Variants in INPP4B observed in about 807,000 individuals in gnomAD.
INPP4B encodes inositol polyphosphate 4-phosphatase type II.
INPP4B carries 55 observed loss-of-function variants against 122.5 expected under a neutral mutation model. That is an observed-to-expected ratio of 0.45 (90% CI 0.36 to 0.56). The LOEUF (loss-of-function observed/expected upper bound fraction) is 0.56. INPP4B is among the 20% of genes least tolerant of loss of function. The probability of loss-of-function intolerance (pLI) is 0.00; values close to 1 mark genes in which losing one functional copy is unlikely to be tolerated. For missense variants in INPP4B, 1,000 were observed against 1,097.7 expected (o/e 0.91, Z 1.26); for synonymous variants, 403 against 388.7 (o/e 1.04, Z -0.43).
At chr4:142,274,876 G>A (rs568333956) in intron 9 of INPP4B, among the ~76,000 whole-genome samples, 55 of 151,844 alleles carry the variant, frequency 3.6e-4, no homozygotes, top group African/African-American at 1.3e-3. Flanking sequence ...GCAGTTCATG[G>A]CTGCTGCAGT....
chr4:142,472,782 A>G (rs1819112009), intron 2 of INPP4B, among the ~76,000 whole-genome samples: 1 of 152,096 alleles, frequency 6.6e-6, no homozygotes, highest in African/African-American at 2.4e-5. Flanking sequence ...TTGACCCCCC[A>G]TCAGAAGAAT....
chr4:142,052,121 CTA>C (rs1754945677), intron 25 of INPP4B, among the ~76,000 whole-genome samples: 1 of 151,966 alleles, frequency 6.6e-6, no homozygotes, highest in Admixed American at 6.6e-5. Context: ...CAAGAATAAA[CTA>C]TTTTTATCAG....
chr4:142,104,253 A>T (rs1483205636), intron 23 of INPP4B, among the ~76,000 whole-genome samples: 1 of 152,168 alleles, frequency 6.6e-6, no homozygotes, highest in Non-Finnish European at 1.5e-5. Flanking sequence ...GCCCTGAATC[A>T]TGTATGAGAC....
intron 1 of INPP4B, among the ~76,000 whole-genome samples, chr4:142,840,675 A>G (rs769473634): frequency 2.6e-5 from 4 of 152,140 alleles, no homozygotes; most frequent in Non-Finnish European, 4.4e-5. Context: ...AAAAATGAAT[A>G]TATTGCACTT....
intron 1 of INPP4B, among the ~76,000 whole-genome samples, chr4:142,830,493 A>T (rs1781985124): frequency 6.6e-6 from 1 of 152,120 alleles, no homozygotes; most frequent in African/African-American, 2.4e-5. Flanking sequence ...AAAAGAGGCT[A>T]GCTAGAGGGG....
intron 1 of INPP4B, among the ~76,000 whole-genome samples, chr4:142,770,355 T>G (rs993295400): frequency 5.3e-5 from 8 of 152,166 alleles, no homozygotes; most frequent in African/African-American, 1.4e-4. Context: ...CATGTTAATA[T>G]AAGTAAAAGG....
At chr4:142,215,694 C>A (rs1846826263) in intron 12 of INPP4B, among the ~76,000 whole-genome samples, 1 of 151,502 alleles carries the variant, frequency 6.6e-6, no homozygotes, top group African/African-American at 2.4e-5. Context: ...GAGATTGAGA[C>A]CATCCTGGCT....
chr4:142,818,769 T>C (rs968737407), intron 1 of INPP4B, among the ~76,000 whole-genome samples: 1 of 152,126 alleles, frequency 6.6e-6, no homozygotes, highest in Non-Finnish European at 1.5e-5. Flanking sequence ...TCAATTGTTC[T>C]CACATCAGAG....
intron 25 of INPP4B, among the ~76,000 whole-genome samples, chr4:142,040,626 G>A (rs1416913178): frequency 2.6e-5 from 4 of 152,140 alleles, no homozygotes; most frequent in African/African-American, 9.7e-5. Flanking sequence ...TTTCTACAAA[G>A]AAATAGGTAA....
intron 2 of INPP4B, among the ~76,000 whole-genome samples, chr4:142,690,954 T>C (rs1760083541): frequency 6.6e-6 from 1 of 152,082 alleles, no homozygotes; most frequent in African/African-American, 2.4e-5. Flanking sequence ...AACTATCTCT[T>C]TTTCACACTG....
intron 2 of INPP4B, among the ~76,000 whole-genome samples, chr4:142,515,817 C>T (rs1825351376): frequency 6.6e-6 from 1 of 152,128 alleles, no homozygotes; most frequent in African/African-American, 2.4e-5. Context: ...TTTTCTCATT[C>T]TACTTTTTAA....
chr4:142,138,382 G>A (rs1181156938), intron 18 of INPP4B, among the ~76,000 whole-genome samples: 434 of 109,174 alleles, frequency 4.0e-3, no homozygotes, highest in Admixed American at 4.9e-3. Flanking sequence ...TCTGGGGACT[G>A]TTGTGGGGTG....
intron 2 of INPP4B, among the ~76,000 whole-genome samples, chr4:142,637,375 TGTCA>T (rs1173627101): frequency 6.6e-6 from 1 of 152,220 alleles, no homozygotes; most frequent in Non-Finnish European, 1.5e-5. Flanking sequence ...CTGCAAATCC[TGTCA>T]ATCACTCATT....
At position 142,242,589 on chromosome 4, in the gene INPP4B, C is replaced by G. The variant is rs1388849678; in HGVS notation, c.689-4578G>C. On this transcript the variant is annotated intron_variant, in intron 11 of 25. Transcript: ENST00000262992. ...TTCATGCTGAAAAAACCAAGACAACCCATACTCTATTCCACTCATCAAGTT... is the reference window on the plus strand; with the variant it reads ...TTCATGCTGAAAAAACCAAGACAACGCATACTCTATTCCACTCATCAAGTT... 3.3e-5 allele frequency among the ~76,000 whole-genome samples: 5 copies of G among 152,116 alleles called. No homozygotes were observed. The East Asian group carries it at 9.7e-4, about 29-fold the overall frequency.
At chr4:142,834,659 G>A (rs1401309173) in intron 1 of INPP4B, among the ~76,000 whole-genome samples, 1 of 152,172 alleles carries the variant, frequency 6.6e-6, no homozygotes, top group African/African-American at 2.4e-5. Flanking sequence ...ACATGTCTGT[G>A]TAAGTTAGGG....
intron 5 of INPP4B, among the ~76,000 whole-genome samples, chr4:142,420,194 G>C (rs760094627): frequency 3.3e-5 from 5 of 152,018 alleles, no homozygotes; most frequent in Non-Finnish European, 5.9e-5. Flanking sequence ...AGCCTGTGAA[G>C]TTAAACCTGA....
chr4:142,433,362 C>T (rs1164237985), intron 3 of INPP4B, among the ~76,000 whole-genome samples: 2 of 152,258 alleles, frequency 1.3e-5, no homozygotes, highest in Admixed American at 6.5e-5. Flanking sequence ...TATTTCTACT[C>T]AGGCCAGTTC....
chr4:142,035,781 A>AT (rs1381637926), intron 25 of INPP4B, among the ~76,000 whole-genome samples: 1 of 152,234 alleles, frequency 6.6e-6, no homozygotes, highest in African/African-American at 2.4e-5. Flanking sequence ...TGCTTGAATA[A>AT]TTCTGGCAAT....
intron 15 of INPP4B, among the ~76,000 whole-genome samples, chr4:142,191,806 A>G (rs1366822756): frequency 6.6e-6 from 1 of 152,216 alleles, no homozygotes; most frequent in African/African-American, 2.4e-5. Flanking sequence ...GCAAACAAAA[A>G]TGAACAAAAA....
Sources: gnomAD v4.1 joint callset for allele counts (sites outside exome capture counted in the v4.1 genomes callset) on GRCh38, gnomAD v4.1.1 for gene constraint, MANE v1.5 for transcripts, NCBI Gene and HGNC (gene_info 2026-07-23, HGNC 2026-07-21) for gene names.